Variants in PRMT8 observed in about 807,000 individuals in gnomAD.
The protein encoded by PRMT8 is protein arginine methyltransferase 8, also known as protein arginine N-methyltransferase 8.
A neutral mutation model predicts 47.1 loss-of-function variants in PRMT8; 7 were observed. The ratio of observed to expected loss-of-function variants is 0.15; its 90% CI spans 0.08 to 0.28. The LOEUF is 0.28. PRMT8 is among the 10% of genes least tolerant of loss of function. PRMT8 has a pLI of 1.00. For synonymous variants in PRMT8, 188 were observed against 186.5 expected (o/e 1.01, Z -0.07); for missense variants, 237 against 505.4 (o/e 0.47, Z 5.09).
At chr12:3,587,382 TA>T (rs1350159045) in intron 8 of PRMT8, among the ~76,000 whole-genome samples, 1 of 151,670 alleles carries the variant, frequency 6.6e-6, no homozygotes, top group African/African-American at 2.4e-5. Flanking sequence ...TAGTTAATAT[TA>T]AAAATAAATT....
At chr12:3,390,340 C>G (rs1350613864) in intron 1 of PRMT8, among the ~76,000 whole-genome samples, 2 of 152,204 alleles carry the variant, frequency 1.3e-5, no homozygotes, top group Non-Finnish European at 2.9e-5. Flanking sequence ...TTTTCTGTTC[C>G]TCCTGCTGAC....
intron 1 of PRMT8, among the ~76,000 whole-genome samples, chr12:3,512,693 T>G (rs1325440038): frequency 1.3e-5 from 2 of 152,234 alleles, no homozygotes; most frequent in Non-Finnish European, 2.9e-5. Context: ...CATTAACTCT[T>G]CTTCCCAGCT....
At chr12:3,395,603 A>G (rs1255273841) in intron 1 of PRMT8, among the ~76,000 whole-genome samples, 1 of 149,904 alleles carries the variant, frequency 6.7e-6, no homozygotes, top group Non-Finnish European at 1.5e-5. Context: ...CTGTTCTTTT[A>G]CATTTGCTGA....
intron 1 of PRMT8, among the ~76,000 whole-genome samples, chr12:3,475,763 G>A (rs1865206128): frequency 7.1e-6 from 1 of 140,504 alleles, no homozygotes; most frequent in Admixed American, 7.0e-5. Context: ...GGAGGGTTGG[G>A]ATGGGGGGCC....
intron 1 of PRMT8, among the ~76,000 whole-genome samples, chr12:3,536,686 G>A (rs910448642): frequency 6.6e-6 from 1 of 152,194 alleles, no homozygotes; most frequent in Non-Finnish European, 1.5e-5. Context: ...GAGGTGTGGA[G>A]GGCCCCAGCC....
intron 1 of PRMT8, among the ~76,000 whole-genome samples, chr12:3,461,906 T>G (rs1450239981): frequency 6.6e-6 from 1 of 152,056 alleles, no homozygotes; most frequent in Non-Finnish European, 1.5e-5. Flanking sequence ...CAAAAATAAC[T>G]TTTATTTTAG....
intron 1 of PRMT8, among the ~76,000 whole-genome samples, chr12:3,476,433 G>T (rs1194674631): frequency 1.3e-5 from 2 of 152,036 alleles, no homozygotes; most frequent in Non-Finnish European, 2.9e-5. Flanking sequence ...TTATTGGCAG[G>T]TACATAAACA....
intron 8 of PRMT8, among the ~76,000 whole-genome samples, chr12:3,587,537 GAAATGCT>G (rs1315045086): frequency 3.3e-5 from 5 of 152,062 alleles, no homozygotes; most frequent in African/African-American, 1.2e-4. Flanking sequence ...CTCAATGACT[GAAATGCT>G]GCCAACACCT....
At chr12:3,546,692 T>G (rs1291951734) in intron 2 of PRMT8, among the ~76,000 whole-genome samples, 1 of 152,216 alleles carries the variant, frequency 6.6e-6, no homozygotes, top group Admixed American at 6.5e-5. Context: ...AAACTTCCTA[T>G]AAGAGAACTC....
At chr12:3,397,873 C>T (rs559980626) in intron 1 of PRMT8, among the ~76,000 whole-genome samples, 14 of 152,322 alleles carry the variant, frequency 9.2e-5, no homozygotes, top group Non-Finnish European at 1.6e-4. Flanking sequence ...ACTCCATGGG[C>T]GTAGGACCCT....
chr12:3,546,739 C>T (rs536943603), intron 2 of PRMT8, among the ~76,000 whole-genome samples: 2 of 152,180 alleles, frequency 1.3e-5, no homozygotes, highest in East Asian at 3.9e-4. Context: ...TTATAATAAA[C>T]ATTTAAAGAA....
intron 4 of PRMT8, among the ~76,000 whole-genome samples, chr12:3,567,458 G>A (rs561088399): frequency 6.6e-6 from 1 of 152,308 alleles, no homozygotes; most frequent in South Asian, 2.1e-4. Flanking sequence ...GTGAACAAAT[G>A]CAAAAGCAAT....
Position 3,569,451 on chromosome 12 carries a change from C to T in PRMT8, c.625-26C>T. 1.3e-6 allele frequency: 2 copies of T among 1,589,512 alleles called. No individual in the cohort carries two copies. The highest frequency in any genetic ancestry group is 1.7e-6 in the Non-Finnish European group (2 of 1,157,612). ...TTTGTCAGGTGAATAGATTACGAGA[C>T]CCATTTCCCCACAATTCATCAACAG... is the stretch of plus-strand genomic sequence containing the variant. On this transcript the variant is annotated intron_variant, in intron 5 of 9. Coordinates refer to ENST00000382622, the MANE Select transcript of PRMT8 (RefSeq NM_019854.5). The surrounding 1 kb of genome is among the most constrained non-coding windows in gnomAD (Gnocchi z 8.2).
intron 1 of PRMT8, among the ~76,000 whole-genome samples, chr12:3,458,898 C>A (rs944978771): frequency 1.3e-5 from 2 of 152,236 alleles, no homozygotes; most frequent in African/African-American, 4.8e-5. Context: ...CAGGGGGAGG[C>A]TGCTTTCTTT....
At chr12:3,568,038 C>A (rs1452469911) in intron 4 of PRMT8, among the ~76,000 whole-genome samples, 2 of 150,160 alleles carry the variant, frequency 1.3e-5, no homozygotes, top group Non-Finnish European at 2.9e-5. Flanking sequence ...CGCCACTGCA[C>A]TCCAGCCTGG....
At chr12:3,509,705 G>T (rs1420369237) in intron 1 of PRMT8, among the ~76,000 whole-genome samples, 1 of 152,230 alleles carries the variant, frequency 6.6e-6, no homozygotes, top group Middle Eastern at 3.2e-3. Flanking sequence ...GATTGAGGCT[G>T]TATCAGTCAC....
intron 8 of PRMT8, among the ~76,000 whole-genome samples, chr12:3,584,397 G>A (rs551694988): frequency 3.3e-5 from 5 of 152,308 alleles, no homozygotes; most frequent in African/African-American, 1.2e-4. Context: ...CAATTCAGGT[G>A]GTAACACCAC....
In PRMT8 at chr12:3,453,571, G is replaced by T. The variant is rs1864943527; in HGVS notation, c.48+72129G>T. Reference sequence around the variant, plus strand: ...GACGCTGCATTCCGCATGCCATCGTGACCTTGAAGTAGGGCTGAGAATGAG... The same window carrying T: ...GACGCTGCATTCCGCATGCCATCGTTACCTTGAAGTAGGGCTGAGAATGAG... On this transcript the variant is annotated intron_variant, in intron 1 of 9. Coordinates refer to the PRMT8 transcript ENST00000452611. This position sits in a 1 kb window ranked among gnomAD's most constrained non-coding sequence, Gnocchi z 4.9. Among the ~76,000 whole-genome samples, 1 of 152,190 alleles carries T rather than the reference G, an allele frequency of 6.6e-6. No individual in the cohort carries two copies. The highest frequency in any genetic ancestry group is 2.4e-5 in the African/African-American group (1 of 41,444).
At chr12:3,504,402 G>T (rs1865578454) in intron 1 of PRMT8, among the ~76,000 whole-genome samples, 2 of 102,524 alleles carry the variant, frequency 2.0e-5, no homozygotes, top group African/African-American at 5.4e-5. Context: ...CTTTCTGGTT[G>T]TTAGTTTTCC....
Sources: gnomAD v4.1 joint callset for allele counts (sites outside exome capture counted in the v4.1 genomes callset) on GRCh38, gnomAD v4.1.1 for gene constraint, Gnocchi (gnomAD v3.1) non-coding constraint, MANE v1.5 for transcripts, NCBI Gene and HGNC (gene_info 2026-07-23, HGNC 2026-07-21) for gene names.